The following NCALD variants were observed in gnomAD, a reference collection of about 807,000 sequenced individuals.
NCALD encodes the protein neurocalcin-delta.
A neutral mutation model predicts 18.6 loss-of-function variants in NCALD; 10 were observed. That is an observed-to-expected ratio of 0.54 (90% CI 0.33 to 0.91). The LOEUF is 0.91. Ranked by LOEUF, NCALD falls within the 40% of genes least tolerant of loss-of-function variation. The pLI, the probability that NCALD is intolerant of heterozygous loss-of-function variation, is 0.03. For synonymous variants in NCALD, 88 were observed against 87.4 expected (o/e 1.01, Z -0.04); for missense variants, 184 against 247.6 (o/e 0.74, Z 1.72).
chr8:101,810,759 C>T (rs1202279220), intron 4 of NCALD, among the ~76,000 whole-genome samples: 3 of 152,064 alleles, frequency 2.0e-5, no homozygotes, highest in Non-Finnish European at 4.4e-5. Context: ...CCAAGAGCTG[C>T]TAATGCCTAT....
rs958114519 is a variant in NCALD at position 101,843,586 on chromosome 8, T to G, written c.-20+43555A>C. Among the ~76,000 whole-genome samples, 48 of 148,906 alleles carry G rather than the reference T, an allele frequency of 3.2e-4. 1 individual carries two copies. The highest frequency in any genetic ancestry group is 5.2e-4 in the Non-Finnish European group (35 of 67,562). On this transcript the variant is annotated intron_variant, in intron 4 of 6. Coordinates refer to the NCALD transcript ENST00000311028. ...TTCTATGAATCTTTAAAAATTGTTT[T>G]TTTTTTTTTTGAGACAGTCTTGCTC...
At chr8:101,706,748 T>C (rs1230748201) in intron 2 of NCALD, among the ~76,000 whole-genome samples, 7 of 152,282 alleles carry the variant, frequency 4.6e-5, no homozygotes, top group African/African-American at 1.7e-4. Flanking sequence ...GAGAATACAG[T>C]GATGCAGCTA....
At chr8:101,777,986 T>G (rs1034352433) in intron 1 of NCALD, among the ~76,000 whole-genome samples, 1 of 152,180 alleles carries the variant, frequency 6.6e-6, no homozygotes, top group Non-Finnish European at 1.5e-5. Context: ...TCTGGAGCCA[T>G]AGGGAGAAGG....
intron 1 of NCALD, among the ~76,000 whole-genome samples, chr8:102,037,514 C>T (rs1471115207): frequency 6.6e-6 from 1 of 152,028 alleles, no homozygotes; most frequent in Non-Finnish European, 1.5e-5. Context: ...AGACATAATA[C>T]ACATATCATA....
intron 4 of NCALD, among the ~76,000 whole-genome samples, chr8:101,809,502 T>C (rs1450389376): frequency 6.6e-6 from 1 of 152,186 alleles, no homozygotes; most frequent in Non-Finnish European, 1.5e-5. Context: ...TCCAGTACAA[T>C]TAGCACAAAT....
chr8:101,910,297 T>C (rs1193358195), intron 3 of NCALD, among the ~76,000 whole-genome samples: 1 of 141,152 alleles, frequency 7.1e-6, no homozygotes, highest in Non-Finnish European at 1.5e-5. Context: ...TTATTTGACT[T>C]GAGGAAACAG....
intron 1 of NCALD, among the ~76,000 whole-genome samples, chr8:102,100,278 C>T (rs1825233925): frequency 6.6e-6 from 1 of 152,132 alleles, no homozygotes; most frequent in African/African-American, 2.4e-5. Context: ...CAAATAGGAG[C>T]TTTTCATAAC....
At chr8:101,935,800 TTTTTTA>T (rs1276159500) in intron 2 of NCALD, among the ~76,000 whole-genome samples, 4 of 147,508 alleles carry the variant, frequency 2.7e-5, no homozygotes, top group African/African-American at 5.0e-5. Flanking sequence ...TTTTTTTTTT[TTTTTTA>T]AAGATGGAAG....
At chr8:101,815,411 C>T (rs760173630) in intron 4 of NCALD, among the ~76,000 whole-genome samples, 18 of 151,974 alleles carry the variant, frequency 1.2e-4, no homozygotes, top group Non-Finnish European at 1.8e-4. Context: ...TGGATATCCA[C>T]ATACAAAAAA....
At chr8:101,752,143 G>C (rs1810685464) in intron 1 of NCALD, among the ~76,000 whole-genome samples, 1 of 151,918 alleles carries the variant, frequency 6.6e-6, no homozygotes, top group African/African-American at 2.4e-5. Context: ...AATGATCCTT[G>C]CTAAGAATAC....
chr8:101,941,667 T>C (rs1463707435), intron 2 of NCALD, among the ~76,000 whole-genome samples: 1 of 152,200 alleles, frequency 6.6e-6, no homozygotes, highest in Non-Finnish European at 1.5e-5. Flanking sequence ...GGGTATTTTG[T>C]GGTACATTTG....
chr8:102,012,956 C>A (rs910254452), intron 2 of NCALD, among the ~76,000 whole-genome samples: 1 of 152,086 alleles, frequency 6.6e-6, no homozygotes, highest in Non-Finnish European at 1.5e-5. Context: ...TAATATATAA[C>A]AATCAGATAT....
In NCALD at chr8:102,066,129, C is replaced by T. The variant is rs183786051; in HGVS notation, c.-209-45840G>A. ...CCCGGAAGGTGAGGCCAGTCAATAC[C>T]GAACTGATGAAAAGGCAGGCAGGCA... On this transcript the variant is annotated intron_variant, in intron 1 of 6. Transcript: ENST00000311028. Among the ~76,000 whole-genome samples the T allele has an allele frequency of 1.3e-3, 200 of 152,268 alleles. 3 individuals carry two copies. The highest frequency in any genetic ancestry group is 0.01 in the Admixed American group (160 of 15,304).
At chr8:101,924,768 A>G (rs1818280659) in intron 2 of NCALD, among the ~76,000 whole-genome samples, 1 of 152,180 alleles carries the variant, frequency 6.6e-6, no homozygotes, top group South Asian at 2.1e-4. Flanking sequence ...ATTTTACACA[A>G]ATGTCGAAAA....
At chr8:101,730,434 C>T (rs1370127522) in intron 1 of NCALD, among the ~76,000 whole-genome samples, 5 of 135,240 alleles carry the variant, frequency 3.7e-5, no homozygotes, top group Non-Finnish European at 6.1e-5. Context: ...GATCCAAGAT[C>T]GTGCCACTGC....
At chr8:101,789,869 G>A (rs1224881853) in intron 1 of NCALD, among the ~76,000 whole-genome samples, 1 of 151,930 alleles carries the variant, frequency 6.6e-6, no homozygotes, top group Admixed American at 6.6e-5. Context: ...ACTAAACTTG[G>A]GAAGGAAAGG....
chr8:101,963,921 GA>G (rs1033606752), intron 2 of NCALD, among the ~76,000 whole-genome samples: 4 of 151,678 alleles, frequency 2.6e-5, no homozygotes, highest in African/African-American at 9.7e-5. Flanking sequence ...TACTTCCACT[GA>G]AAAAAAATCC....
chr8:101,786,087 T>C (rs900004728), intron 1 of NCALD: 1 of 152,286 alleles, frequency 6.6e-6, no homozygotes, highest in Non-Finnish European at 1.5e-5. Flanking sequence ...ATAGTACATA[T>C]AGGTCTCTGG....
At position 101,779,177 on chromosome 8, in the gene NCALD, A is replaced by T. The variant is rs560769688; in HGVS notation, c.-20+11685T>A. On this transcript the variant is annotated intron_variant, in intron 1 of 3. Transcript: ENST00000220931. The stretch of plus-strand genomic sequence containing the variant: ...TCTATTATTTTGAAAAAAATTAAAA[A>T]TATGCTCTAGCAAAATTGAAAATGA... Among the ~76,000 whole-genome samples the T allele has an allele frequency of 2.0e-5, 3 of 152,312 alleles. No individual in the cohort carries two copies. In the East Asian group the frequency reaches 5.8e-4, roughly 29 times the overall value.
Sources: gnomAD v4.1 joint callset for allele counts (sites outside exome capture counted in the v4.1 genomes callset) on GRCh38, gnomAD v4.1.1 for gene constraint, MANE v1.5 for transcripts, NCBI Gene and HGNC (gene_info 2026-07-23, HGNC 2026-07-21) for gene names.